The following RFC3 variants were observed in gnomAD, a reference collection of about 807,000 sequenced individuals.
RFC3 encodes A1 38 kDa subunit.
Under a neutral mutation model 45.1 loss-of-function variants are expected in RFC3, and 41 were observed. The observed-to-expected ratio is 0.91, with a 90% CI of 0.71 to 1.18. RFC3 has a LOEUF of 1.18. RFC3 is among the 50% of genes most tolerant of loss of function. The probability of loss-of-function intolerance (pLI) is 0.00; values close to 1 mark genes in which losing one functional copy is unlikely to be tolerated. For missense variants in RFC3, 423 were observed against 428.1 expected (o/e 0.99, Z 0.10); for synonymous variants, 149 against 144.0 (o/e 1.03, Z -0.25).
At chr13:33,847,552 T>A (rs565126603) in intron 8 of RFC3, 1 of 152,186 alleles carries the variant, frequency 6.6e-6, no homozygotes, top group South Asian at 2.1e-4. Context: ...AAATTCCATC[T>A]CATTGTTTTA....
intron 8 of RFC3, among the ~76,000 whole-genome samples, chr13:33,884,665 A>G (rs2082508410): frequency 6.6e-6 from 1 of 152,164 alleles, no homozygotes; most frequent in Non-Finnish European, 1.5e-5. Flanking sequence ...ACTCTATCGA[A>G]TATTAAATCT....
At chr13:33,959,879 C>T (rs879105331) in intron 8 of RFC3, among the ~76,000 whole-genome samples, 1 of 152,098 alleles carries the variant, frequency 6.6e-6, no homozygotes, top group Non-Finnish European at 1.5e-5. Flanking sequence ...GCAGGCTGTA[C>T]AGGAAGCATA....
intron 8 of RFC3, among the ~76,000 whole-genome samples, chr13:33,860,157 AAT>A (rs1476995024): frequency 1.3e-5 from 2 of 152,146 alleles, no homozygotes; most frequent in African/African-American, 4.8e-5. Flanking sequence ...CCATGAGAAA[AAT>A]ATGTTTCTGT....
intron 8 of RFC3, among the ~76,000 whole-genome samples, chr13:33,940,018 A>T (rs1471013193): frequency 6.6e-6 from 1 of 152,170 alleles, no homozygotes; most frequent in Non-Finnish European, 1.5e-5. Context: ...TTGATAAAAA[A>T]CTTTCATGTT....
At chr13:33,923,845 C>T (rs898844298) in intron 8 of RFC3, among the ~76,000 whole-genome samples, 2 of 152,106 alleles carry the variant, frequency 1.3e-5, no homozygotes, top group Non-Finnish European at 2.9e-5. Context: ...CCCAGGCTGC[C>T]AGAGAAAGTT....
chr13:33,925,136 A>G (rs1485742219), intron 8 of RFC3, among the ~76,000 whole-genome samples: 1 of 148,054 alleles, frequency 6.8e-6, no homozygotes, highest in East Asian at 2.0e-4. Context: ...ATACATGCAT[A>G]TATAGTGTAC....
chr13:33,934,263 G>T (rs1210907091), intron 8 of RFC3, among the ~76,000 whole-genome samples: 1 of 152,084 alleles, frequency 6.6e-6, no homozygotes, highest in African/African-American at 2.4e-5. Context: ...ATTCTTGGAG[G>T]TTGAGTCTGC....
intron 8 of RFC3, among the ~76,000 whole-genome samples, chr13:33,921,286 A>G (rs937774068): frequency 1.3e-5 from 2 of 152,160 alleles, no homozygotes; most frequent in Non-Finnish European, 2.9e-5. Flanking sequence ...CCAGCTCTGT[A>G]GCACTTAGTG....
intron 8 of RFC3, among the ~76,000 whole-genome samples, chr13:33,927,234 TAAA>T (rs112241029): frequency 2.8e-5 from 4 of 141,142 alleles, no homozygotes; most frequent in African/African-American, 1.0e-4. Context: ...TTAAAGCAGT[TAAA>T]AAAAAAAAAA....
intron 8 of RFC3, among the ~76,000 whole-genome samples, chr13:33,920,309 C>A (rs537227022): frequency 1.4e-4 from 21 of 151,424 alleles, no homozygotes; most frequent in Non-Finnish European, 2.8e-4. Context: ...TCTTCCAAAA[C>A]AAATATCCTG....
chr13:33,903,546 T>C (rs2082654231), intron 8 of RFC3, among the ~76,000 whole-genome samples: 2 of 152,094 alleles, frequency 1.3e-5, no homozygotes, highest in Admixed American at 1.3e-4. Flanking sequence ...CCTGAACATT[T>C]TACAATAGGT....
chr13:33,864,507 A>G (rs777553873), intron 8 of RFC3, among the ~76,000 whole-genome samples: 1 of 152,138 alleles, frequency 6.6e-6, no homozygotes, highest in Non-Finnish European at 1.5e-5. Context: ...ATGGAATAGC[A>G]TGAACAGTGA....
intron 8 of RFC3, among the ~76,000 whole-genome samples, chr13:33,949,737 T>C (rs2082977094): frequency 6.6e-6 from 1 of 152,142 alleles, no homozygotes; most frequent in Non-Finnish European, 1.5e-5. Flanking sequence ...AATTAACATT[T>C]GAATAGGTAG....
chr13:33,910,898 G>A (rs1252136397), intron 8 of RFC3, among the ~76,000 whole-genome samples: 3 of 151,846 alleles, frequency 2.0e-5, no homozygotes, highest in Non-Finnish European at 4.4e-5. Context: ...GGGCAGGGAG[G>A]TGCCACACAC....
chr13:33,819,673 C>G (rs913619882), intron 1 of RFC3, among the ~76,000 whole-genome samples: 1 of 152,074 alleles, frequency 6.6e-6, no homozygotes. Flanking sequence ...ATAGCTTTGT[C>G]TTCAGTTTTC....
At chr13:33,932,674 GA>G (rs2082860089) in intron 8 of RFC3, among the ~76,000 whole-genome samples, 1 of 152,082 alleles carries the variant, frequency 6.6e-6, no homozygotes, top group Non-Finnish European at 1.5e-5. Context: ...AAAACAGTAG[GA>G]AAATTTTTAT....
At chr13:33,865,128 G>A (rs1322995715) in intron 8 of RFC3, among the ~76,000 whole-genome samples, 3 of 152,178 alleles carry the variant, frequency 2.0e-5, no homozygotes, top group Non-Finnish European at 4.4e-5. Context: ...TTCTAAATAG[G>A]AGTGTTATCA....
chr13:33,932,090 A>G (rs2082856148), intron 8 of RFC3, among the ~76,000 whole-genome samples: 2 of 152,146 alleles, frequency 1.3e-5, no homozygotes, highest in Admixed American at 1.3e-4. Flanking sequence ...AGATATCAGT[A>G]TGAATGAAAC....
Position 33,821,132 on chromosome 13 carries a change from G to T in RFC3, c.88G>T (p.Val30Leu). The T allele has an allele frequency of 1.9e-6, 3 of 1,612,312 alleles. No individual in the cohort carries two copies. The highest frequency in any genetic ancestry group is 2.5e-6 in the Non-Finnish European group (3 of 1,179,196). ...AAAATGCCTTGTTCTTTTTTTTCAG[G>T]TGCAGTGTGGTGACTTTCCTCATCT... ...KEQAAQLRNL[V>L]QCGDFPHLLV... Residue 30 changes from valine to leucine, a missense_variant and splice_region_variant, in exon 2 of 9, where the codon GTG becomes TTG. Coordinates refer to ENST00000380071, the MANE Select transcript of RFC3 (RefSeq NM_002915.4).
Sources: gnomAD v4.1 joint callset for allele counts (sites outside exome capture counted in the v4.1 genomes callset) on GRCh38, gnomAD v4.1.1 for gene constraint, MANE v1.5 for transcripts, NCBI Gene and HGNC (gene_info 2026-07-23, HGNC 2026-07-21) for gene names.